Variants in PBK observed in about 807,000 individuals in gnomAD.
PBK encodes PDZ binding kinase.
Under a neutral mutation model 33.5 loss-of-function variants are expected in PBK, and 22 were observed. The observed-to-expected ratio is 0.66, with a 90% confidence interval of 0.47 to 0.94. PBK has a LOEUF of 0.94. PBK is among the 40% of genes least tolerant of loss of function. The pLI, the probability that PBK is intolerant of heterozygous loss-of-function variation, is 0.00. For missense variants in PBK, 376 were observed against 383.4 expected (o/e 0.98, Z 0.16); for synonymous variants, 129 against 123.8 (o/e 1.04, Z -0.28).
chr8:27,814,488 T>A (rs908722728), intron 6 of PBK, among the ~76,000 whole-genome samples: 4 of 152,138 alleles, frequency 2.6e-5, no homozygotes, highest in African/African-American at 9.6e-5. Context: ...TTGGCTTTGT[T>A]AATATTTTAT....
At chr8:27,812,701 G>A (rs1805716491) in intron 6 of PBK, 1 of 151,290 alleles carries the variant, frequency 6.6e-6, no homozygotes, top group Non-Finnish European at 1.5e-5. Context: ...CATTTATGCA[G>A]CCAACAGACA....
intron 2 of PBK, among the ~76,000 whole-genome samples, chr8:27,828,583 A>C (rs1429799257): frequency 6.6e-6 from 1 of 151,520 alleles, no homozygotes; most frequent in Non-Finnish European, 1.5e-5. Context: ...CAACATAAAG[A>C]GACTCCATCT....
chr8:27,815,095 TGAAA>T (rs1480875813), intron 6 of PBK, among the ~76,000 whole-genome samples: 6 of 152,216 alleles, frequency 3.9e-5, no homozygotes, highest in Non-Finnish European at 7.3e-5. Flanking sequence ...GGCTGTTTAC[TGAAA>T]GAAATTTCTC....
At chr8:27,820,438 AAAG>A in intron 6 of PBK, 124 bp downstream of exon 6, 12 of 625,560 alleles carry the variant, frequency 1.9e-5, no homozygotes, top group South Asian at 1.7e-4. Context: ...AGAGAGAAAA[AAAG>A]GGGACTTTTT....
chr8:27,834,850 C>T (rs72609990), intron 1 of PBK, among the ~76,000 whole-genome samples: 20,155 of 151,218 alleles, frequency 0.13, 1,573 homozygotes, highest in East Asian at 0.34. Context: ...GAGCAGAGAT[C>T]GTGCCACTGC....
chr8:27,821,514 C>A (rs1308769021), intron 5 of PBK, among the ~76,000 whole-genome samples: 1 of 151,224 alleles, frequency 6.6e-6, no homozygotes, highest in Admixed American at 6.6e-5. Context: ...CCTGCCTTGG[C>A]CTCCCAAAGT....
intron 3 of PBK, among the ~76,000 whole-genome samples, chr8:27,827,124 C>T (rs1806040641): frequency 6.6e-6 from 1 of 152,112 alleles, no homozygotes; most frequent in South Asian, 2.1e-4. Context: ...ACAATGTAAA[C>T]CTAGATGAAG....
rs1805660403 is a variant in PBK, at chr8:27,810,674, G to GTCTTGGATT, written c.773-182_773-174dup. 1.3e-5 allele frequency among the ~76,000 whole-genome samples: 2 copies of GTCTTGGATT among 152,132 alleles called. 1 individual carries two copies. Among genetic ancestry groups the GTCTTGGATT allele is most frequent in the South Asian group, 4.2e-4 (2 of 4,816 alleles). On this transcript the variant is annotated intron_variant, in intron 7 of 7. Transcript: ENST00000301905. ...CCTGCCATCAAGTAGATTTGCTTTAGTCTTGGATTTATAGGTTATCGACCC... is the reference window on the plus strand; with the variant it reads ...CCTGCCATCAAGTAGATTTGCTTTAGTCTTGGATTTCTTGGATTTATAGGTTATCGACCC...
In PBK at chr8:27,811,056, G is replaced by A. The variant is rs1805670623; in HGVS notation, c.674C>T (p.Thr225Ile). The A allele has an allele frequency of 2.5e-6, 4 of 1,612,582 alleles. No homozygotes were observed. The highest frequency in any genetic ancestry group is 3.4e-6 in the Non-Finnish European group (4 of 1,178,600). The change falls in exon 7 of 8, where the codon ACT becomes ATT. Residue 225 changes from threonine (T) to isoleucine (I), a missense_variant. By Grantham distance (89) the Thr-to-Ile change is moderately conservative (BLOSUM62 -1). Transcript: ENST00000301905. The stretch of plus-strand genomic sequence containing the variant: ...AAAGGCAAATATGTCTGCCTTGTCA[G>A]TAATAACACCATTCTCCTCCACAGC... ...KEAVEENGVI[T>I]DKADIFAFGL...
intron 3 of PBK, among the ~76,000 whole-genome samples, chr8:27,826,136 C>T (rs1249786194): frequency 6.6e-6 from 1 of 152,012 alleles, no homozygotes; most frequent in Admixed American, 6.6e-5. Context: ...AAAAAGGCTT[C>T]ATAATTCTCA....
chr8:27,833,106 C>A lies in PBK; in HGVS notation c.8G>T (p.Gly3Val). 1.3e-6 allele frequency: 2 copies of A among 1,595,608 alleles called. No homozygotes were observed. The highest frequency in any genetic ancestry group is 1.7e-6 in the Non-Finnish European group (2 of 1,170,514). ME[G>V]ISNFKTPSKL... is the part of the protein sequence containing the mutation. ...GCTTGGTGTCTTGAAATTACTGATC[C>A]CTTCCATTGTGAAAGCCACTCTCAG... Residue 3 changes from glycine to valine, a missense_variant, in exon 2 of 8, where the codon GGG (glycine) becomes GTG (valine). Gly to Val is a moderately radical substitution (Grantham distance 109). Transcript: ENST00000301905.
chr8:27,825,396 C>T (rs953515938), intron 3 of PBK, among the ~76,000 whole-genome samples: 1 of 152,080 alleles, frequency 6.6e-6, no homozygotes, highest in African/African-American at 2.4e-5. Flanking sequence ...TATGATGGCA[C>T]CATTGCACTC....
rs145411513 is a variant in PBK, at chr8:27,831,996, C to T, written c.58+1060G>A. Among the ~76,000 whole-genome samples, 588 of 151,978 alleles carry T rather than the reference C, an allele frequency of 3.9e-3. 5 individuals carry two copies. Among genetic ancestry groups the T allele is most frequent in the African/African-American group, 0.014 (567 of 41,470 alleles). On this transcript the variant is annotated intron_variant, in intron 2 of 7. Transcript: ENST00000301905. Reference sequence around the variant, plus strand: ...GATATTTCTATTAAAAAAAGAGAAACATTTCTCATCTTTATGAATACAGAA... The same window carrying T: ...GATATTTCTATTAAAAAAAGAGAAATATTTCTCATCTTTATGAATACAGAA...
chr8:27,819,265 AATTC>A (rs1290800573), intron 6 of PBK, among the ~76,000 whole-genome samples: 1 of 152,228 alleles, frequency 6.6e-6, no homozygotes, highest in African/African-American at 2.4e-5. Context: ...TAGGCTATCA[AATTC>A]ATTCATTTCT....
chr8:27,833,797 T>C (rs1806176959), intron 1 of PBK, among the ~76,000 whole-genome samples: 1 of 152,146 alleles, frequency 6.6e-6, no homozygotes, highest in Admixed American at 6.5e-5. Flanking sequence ...AGCTCTCTTA[T>C]ATCCTTTAAG....
At position 27,810,057 on chromosome 8, in the gene PBK, C is replaced by G; in HGVS notation, c.*248G>C. 2.3e-6 allele frequency: 1 copy of G among 441,124 alleles called. No individual in the cohort carries two copies. Among genetic ancestry groups the G allele is most frequent in the Non-Finnish European group, 4.0e-6 (1 of 249,740 alleles). 27.3% of individuals were successfully genotyped at this position (441,124 alleles called of 1,614,324 possible). ...GCGTTTTACTGCTAGTGTTTTAAGTCAGCATGAGCAGTATCAAAGTACTTA... is the reference window on the plus strand; with the variant it reads ...GCGTTTTACTGCTAGTGTTTTAAGTGAGCATGAGCAGTATCAAAGTACTTA... On this transcript the variant is annotated 3_prime_UTR_variant, in exon 8 of 8. Transcript: ENST00000301905.
intron 6 of PBK, among the ~76,000 whole-genome samples, chr8:27,815,595 G>A (rs755984430): frequency 6.6e-6 from 1 of 152,154 alleles, no homozygotes; most frequent in Non-Finnish European, 1.5e-5. Context: ...TACTTACACC[G>A]TTCAGTATAT....
chr8:27,821,218 G>A (rs548429393), intron 5 of PBK, among the ~76,000 whole-genome samples: 1 of 152,174 alleles, frequency 6.6e-6, no homozygotes, highest in South Asian at 2.1e-4. Context: ...TTTAGAAATA[G>A]ATACTTCTGC....
Position 27,820,711 on chromosome 8 carries a change from T to A in PBK, c.466-17A>T. ...GTGCAGATACTAAAATAGTAAAAAATTTAACACATATGTGCAGAAACACAA... is the reference window on the plus strand; with the variant it reads ...GTGCAGATACTAAAATAGTAAAAAAATTAACACATATGTGCAGAAACACAA... On this transcript the variant is annotated splice_polypyrimidine_tract_variant and intron_variant, in intron 5 of 7. Coordinates refer to ENST00000301905, the MANE Select transcript of PBK (RefSeq NM_018492.4). 6 of 1,449,738 alleles carry A rather than the reference T, an allele frequency of 4.1e-6. No individual in the cohort carries two copies. Among genetic ancestry groups the A allele is most frequent in the South Asian group, 2.5e-5 (2 of 79,228 alleles). 89.8% of individuals were successfully genotyped at this position (1,449,738 alleles called of 1,614,324 possible).
Sources: gnomAD v4.1 joint callset for allele counts (sites outside exome capture counted in the v4.1 genomes callset) on GRCh38, gnomAD v4.1.1 for gene constraint, MANE v1.5 for transcripts, NCBI Gene and HGNC (gene_info 2026-07-23, HGNC 2026-07-21) for gene names.